Variants in DIAPH1 observed in about 807,000 individuals in gnomAD.
DIAPH1 encodes protein diaphanous homolog 1.
Under a neutral mutation model 140.7 loss-of-function variants are expected in DIAPH1, and 46 were observed. The ratio of observed to expected loss-of-function variants is 0.33; its 90% CI spans 0.26 to 0.42. The LOEUF (loss-of-function observed/expected upper bound fraction) is 0.42. Among genes scored for constraint, DIAPH1 ranks in the 10% least tolerant of loss-of-function variants. The pLI, the probability that DIAPH1 is intolerant of heterozygous loss-of-function variation, is 1.00. For missense variants in DIAPH1, 1,310 were observed against 1,558.7 expected (o/e 0.84, Z 2.69); for synonymous variants, 565 against 551.6 (o/e 1.02, Z -0.34).
At chr5:141,576,358 C>A in intron 13 of DIAPH1, 64 bp from the exon 14 acceptor site, 8 of 1,219,526 alleles carry the variant, frequency 6.6e-6, no homozygotes, top group Non-Finnish European at 9.8e-6. Context: ...TTTCACACTA[C>A]ACCCTTCCAA....
chr5:141,529,206 T>G lies in DIAPH1; in HGVS notation c.2744A>C (p.Asp915Ala). ...KMLSELKDEY[D>A]DLAESEQFGV... ...AAACTGCTCTGACTCAGCCAGGTCA[T>G]CATATTCATCCTTCAGTTCAGAAAG... The change falls in exon 21 of 28, where the codon GAT (aspartate) becomes GCT (alanine). Residue 915 changes from aspartate (D) to alanine (A), a missense_variant. Physicochemically the swap from Asp to Ala is moderately radical, Grantham distance 126. Transcript: ENST00000389054. 1.2e-6 allele frequency: 2 copies of G among 1,614,188 alleles called. No individual in the cohort carries two copies. Among genetic ancestry groups the G allele is most frequent in the Non-Finnish European group, 1.7e-6 (2 of 1,180,030 alleles).
intron 18 of DIAPH1, chr5:141,560,764 A>T: frequency 2.3e-6 from 1 of 436,110 alleles, no homozygotes. Context: ...ATTCTGTTTT[A>T]TTCAGGGTTG....
At chr5:141,540,437 A>G (rs977606344) in intron 18 of DIAPH1, among the ~76,000 whole-genome samples, 2 of 151,882 alleles carry the variant, frequency 1.3e-5, no homozygotes, top group African/African-American at 4.8e-5. Context: ...CGCCTGCCAC[A>G]CGCCCAGCTA....
chr5:141,551,295 C>G (rs1310669470), intron 18 of DIAPH1, among the ~76,000 whole-genome samples: 2 of 151,932 alleles, frequency 1.3e-5, no homozygotes, highest in African/African-American at 2.4e-5. Flanking sequence ...ACCAAAAATA[C>G]AAATCAAAAA....
chr5:141,584,174 T>C lies in DIAPH1; in HGVS notation c.352A>G (p.Ile118Val), dbSNP rs769174848. The change falls in exon 4 of 28, where the codon ATC (isoleucine) becomes GTC (valine). Residue 118 changes from isoleucine to valine, a missense_variant. Ile to Val is a conservative substitution (Grantham distance 29, BLOSUM62 3). This residue lies in a region of DIAPH1 where 377 missense variants were observed against 497.1 expected (regional missense o/e 0.76). Transcript: ENST00000389054. The stretch of plus-strand genomic sequence containing the variant: ...GACACCATCTCCCTCTTGATGATGA[T>C]GTCCTTCTCCCTCAAAGGTTGCTGT... ...EKQQPLREKD[I>V]IIKREMVSQY... 6.2e-6 allele frequency: 10 copies of C among 1,613,498 alleles called. No homozygotes were observed. In the African/African-American group the frequency reaches 1.2e-4, roughly 19 times the overall value.
chr5:141,579,005 G>T (rs1207341530), intron 9 of DIAPH1, 83 bp downstream of exon 9: 7 of 1,013,752 alleles, frequency 6.9e-6, no homozygotes, highest in African/African-American at 1.6e-5. Flanking sequence ...GGCACTCCAT[G>T]TATTTTATTA....
In DIAPH1 at chr5:141,521,587, C is replaced by A. The variant is rs1052231173; in HGVS notation, c.3661+2556G>T. ...CCAGAGACCGGAAGAATTTAACATT[C>A]CTTTAAATTCTAGGGAAAAAGCTAG... On this transcript the variant is annotated intron_variant, in intron 27 of 27. Transcript: ENST00000389054. Among the ~76,000 whole-genome samples, 4 of 152,280 alleles carry A rather than the reference C, an allele frequency of 2.6e-5. No individual in the cohort carries two copies. In the South Asian group the frequency reaches 8.3e-4, roughly 32 times the overall value.
intron 18 of DIAPH1, among the ~76,000 whole-genome samples, chr5:141,555,539 G>C (rs2099892433): frequency 6.6e-6 from 1 of 152,132 alleles, no homozygotes; most frequent in Admixed American, 6.6e-5. Context: ...CAATGCTTGG[G>C]TTCCAGCCCC....
chr5:141,571,579 T>G, intron 17 of DIAPH1, 143 bp from the exon 18 acceptor site: 1 of 743,564 alleles, frequency 1.3e-6, no homozygotes, highest in Non-Finnish European at 2.3e-6. Flanking sequence ...CAACCCTTAT[T>G]AATTATGTAC....
chr5:141,591,781 T>G (rs1217450721), intron 1 of DIAPH1, among the ~76,000 whole-genome samples: 3 of 143,070 alleles, frequency 2.1e-5, no homozygotes, highest in Admixed American at 2.1e-4. Flanking sequence ...GAAACAGATT[T>G]TATCTTAAAA....
rs1354838864 is a variant in DIAPH1 at position 141,524,283 on chromosome 5, A to C, written c.3575-54T>G. The C allele has an allele frequency of 7.7e-5, 118 of 1,523,216 alleles. 2 individuals carry two copies. In the East Asian group the frequency reaches 2.5e-3, roughly 33 times the overall value. 94.4% of individuals were successfully genotyped at this position (1,523,216 alleles called of 1,614,324 possible). ...AACTCTTCAGCCAGAGCAGCATGGC[A>C]AATATCAAGCCCCACACAAAATGAA... On this transcript the variant is annotated intron_variant, in intron 26 of 27. Coordinates refer to ENST00000389054, the MANE Select transcript of DIAPH1 (RefSeq NM_005219.5).
chr5:141,618,985 G>A lies in DIAPH1; in HGVS notation c.-71C>T, dbSNP rs1351351093. 2.4e-6 allele frequency: 2 copies of A among 835,552 alleles called. No individual in the cohort carries two copies. Among genetic ancestry groups the A allele is most frequent in the Non-Finnish European group, 3.4e-6 (2 of 593,438 alleles). 51.8% of individuals were successfully genotyped at this position (835,552 alleles called of 1,614,324 possible). The stretch of plus-strand genomic sequence containing the variant: ...GCCTGGCAGCTCCGCGCCCGCCGCC[G>A]CCCAGTCGCTCTTTAGCCAGCCGCC... On this transcript the variant is annotated 5_prime_UTR_variant, in exon 1 of 28. Transcript: ENST00000389054.
At chr5:141,518,679 T>A (rs936889297) in intron 27 of DIAPH1, 3 of 488,080 alleles carry the variant, frequency 6.1e-6, no homozygotes, top group Non-Finnish European at 1.1e-5. Flanking sequence ...TGTGCCACCA[T>A]ATCTGGCTAT....
At chr5:141,590,931 T>C (rs557000265) in intron 1 of DIAPH1, among the ~76,000 whole-genome samples, 1 of 152,190 alleles carries the variant, frequency 6.6e-6, no homozygotes, top group South Asian at 2.1e-4. Flanking sequence ...CCATACCACA[T>C]CCATTCTCCA....
At chr5:141,550,448 T>A (rs2099891518) in intron 18 of DIAPH1, 1 of 154,376 alleles carries the variant, frequency 6.5e-6, no homozygotes, top group Non-Finnish European at 1.5e-5. Context: ...TTTTTCTTTC[T>A]CCTAAGTCCC....
Position 141,574,178 on chromosome 5 carries a change from C to T in DIAPH1, c.1672G>A (p.Ala558Thr). 1.2e-6 allele frequency: 2 copies of T among 1,614,122 alleles called. No individual in the cohort carries two copies. The highest frequency in any genetic ancestry group is 1.1e-5 in the South Asian group (1 of 91,082). Reference protein sequence around the residue: ...VAKLTKELEDAKKEMASLSAA... With the variant: ...VAKLTKELEDTKKEMASLSAA... ...GAGAGGGAAGCCATTTCTTTCTTGG[C>T]ATCTTCCAGTTCCTTTGTCAGCTTG... The change falls in exon 16 of 28, where the codon GCC becomes ACC. Residue 558 changes from alanine to threonine, a missense_variant. Ala to Thr is a moderately conservative substitution (Grantham distance 58). This residue lies in a region of DIAPH1 where 589 missense variants were observed against 549.3 expected (regional missense o/e 1.07). Transcript: ENST00000389054.
chr5:141,571,698 A>T, intron 17 of DIAPH1: 1 of 675,886 alleles, frequency 1.5e-6, no homozygotes, highest in Non-Finnish European at 2.7e-6. Context: ...AACAAGTTAT[A>T]CTGATACAAA....
chr5:141,590,063 T>C (rs1334256761), intron 1 of DIAPH1, among the ~76,000 whole-genome samples: 1 of 152,192 alleles, frequency 6.6e-6, no homozygotes, highest in Non-Finnish European at 1.5e-5. Context: ...TAAATGCTTC[T>C]TGAATAACCT....
At chr5:141,573,295 C>T (rs898543557) in intron 16 of DIAPH1, among the ~76,000 whole-genome samples, 197 bp downstream of exon 16, 19 of 151,916 alleles carry the variant, frequency 1.3e-4, no homozygotes, top group South Asian at 4.2e-4. Flanking sequence ...ATTAGCCGGG[C>T]GTGGTGGCGC....
Sources: allele counts gnomAD v4.1 joint callset (sites outside exome capture counted in the v4.1 genomes callset), GRCh38; gene constraint gnomAD v4.1.1; regional missense constraint gnomAD v4.1.1; transcripts MANE v1.5; gene names NCBI Gene and HGNC (gene_info 2026-07-23, HGNC 2026-07-21).